C6orf141: variants seen among roughly 807,000 people sequenced by gnomAD.
C6orf141 encodes chromosome 6 open reading frame 141.
For synonymous variants in C6orf141, 164 were observed against 140.5 expected (o/e 1.17, Z -1.18); for missense variants, 361 against 335.8 (o/e 1.07, Z -0.59).
chr6:49,551,149 G>T lies in C6orf141; in HGVS notation c.357G>T (p.Ala119=), dbSNP rs778643506. The T allele has an allele frequency of 7.1e-6, 11 of 1,551,722 alleles. No individual in the cohort carries two copies. The highest frequency in any genetic ancestry group is 9.6e-6 in the Non-Finnish European group (11 of 1,146,998). Residue 119 remains alanine, a synonymous_variant, in exon 1 of 1, where the codon GCG becomes GCT. Transcript: ENST00000529246. ...EVAGAEDLPH[A]GGEDHGEEPN... is the part of the protein sequence containing the mutation. ...CCGGTGCAGAGGACCTTCCTCATGCGGGTGGAGAGGACCACGGCGAGGAGC... is the reference window on the plus strand; with the variant it reads ...CCGGTGCAGAGGACCTTCCTCATGCTGGTGGAGAGGACCACGGCGAGGAGC...
chr6:49,558,282 A>C (rs755250208), intron 4 of C6orf141, among the ~76,000 whole-genome samples: 21 of 152,004 alleles, frequency 1.4e-4, no homozygotes, highest in Non-Finnish European at 2.2e-4. Flanking sequence ...AATAGTGGAA[A>C]AAGAAAGGCT....
downstream of C6orf141, among the ~76,000 whole-genome samples, chr6:49,555,760 A>G (rs9473589): frequency 0.93 from 141,055 of 152,106 alleles, 65,812 homozygotes; most frequent in East Asian, 1. Flanking sequence ...TGTCCACCTC[A>G]GCCTCCCAAA....
chr6:49,558,017 G>A (rs1772319151), intron 4 of C6orf141, among the ~76,000 whole-genome samples: 1 of 149,682 alleles, frequency 6.7e-6, no homozygotes, highest in South Asian at 2.1e-4. Flanking sequence ...TGAGCCTCCT[G>A]AGTAGCTGAG....
At chr6:49,555,181 C>T (rs1771573262), downstream of C6orf141, 1 of 152,222 alleles carries the variant, frequency 6.6e-6, no homozygotes, top group Admixed American at 6.5e-5. Context: ...TCTCTTAAAA[C>T]TCTTTGTTTA....
intron 4 of C6orf141, among the ~76,000 whole-genome samples, chr6:49,557,675 T>C (rs896831269): frequency 6.6e-6 from 1 of 151,920 alleles, no homozygotes; most frequent in African/African-American, 2.4e-5. Flanking sequence ...CAAACAAAAC[T>C]CAGAGGTCTC....
chr6:49,555,513 C>T (rs866570695), downstream of C6orf141, among the ~76,000 whole-genome samples: 7 of 132,598 alleles, frequency 5.3e-5, no homozygotes, highest in South Asian at 2.4e-4. Context: ...CCAGGCTAGT[C>T]TTTTTTTTTT....
rs750839805 is a variant in C6orf141 at position 49,550,884 on chromosome 6, C to T, written c.92C>T (p.Pro31Leu). 3 of 1,521,232 alleles carry T rather than the reference C, an allele frequency of 2.0e-6. No individual in the cohort carries two copies. The highest frequency in any genetic ancestry group is 2.8e-5 in the African/African-American group (2 of 71,170). 94.2% of individuals were successfully genotyped at this position (1,521,232 alleles called of 1,614,324 possible). The change falls in exon 1 of 1, where the codon CCT becomes CTT. Residue 31 changes from proline to leucine, a missense_variant. Physicochemically the swap from Pro to Leu is moderately conservative, Grantham distance 98. Transcript: ENST00000529246. The part of the protein sequence containing the change: ...DSSRSLGDLG[P>L]FPREVGRGAP... ...TCCCGCAGCCTGGGGGACCTCGGGCCTTTTCCGCGGGAGGTAGGGCGCGGG... is the reference window on the plus strand; with the variant it reads ...TCCCGCAGCCTGGGGGACCTCGGGCTTTTTCCGCGGGAGGTAGGGCGCGGG...
chr6:49,554,316 G>T (rs1771316096), downstream of C6orf141, among the ~76,000 whole-genome samples: 1 of 152,176 alleles, frequency 6.6e-6, no homozygotes, highest in Admixed American at 6.5e-5. Context: ...TTTTCATTTT[G>T]TCTTTCAGCC....
chr6:49,551,033 C>T lies in C6orf141; in HGVS notation c.241C>T (p.Arg81Cys), dbSNP rs952851799. The T allele has an allele frequency of 3.2e-6, 5 of 1,551,294 alleles. No individual in the cohort carries two copies. The highest frequency in any genetic ancestry group is 2.7e-5 in the African/African-American group (2 of 73,006). ...LGPRAGEELD[R>C]ESWVREKVLF... ...ACCTCGGGCCGGGGAGGAATTGGAC[C>T]GTGAGTCCTGGGTCAGAGAGAAAGT... Residue 81 changes from arginine (R) to cysteine (C), a missense_variant, in exon 1 of 1, where the codon CGT becomes TGT. Physicochemically the swap from Arg to Cys is radical, Grantham distance 180. Coordinates refer to ENST00000529246, the MANE Select transcript of C6orf141 (RefSeq NM_001145652.2).
chr6:49,555,184 T>C (rs1433368778), downstream of C6orf141: 1 of 152,258 alleles, frequency 6.6e-6, no homozygotes, highest in Non-Finnish European at 1.5e-5. Flanking sequence ...CTTAAAACTC[T>C]TTGTTTACAA....
intron 4 of C6orf141, among the ~76,000 whole-genome samples, chr6:49,558,328 G>A (rs1772471143): frequency 6.6e-6 from 1 of 151,778 alleles, no homozygotes; most frequent in Admixed American, 6.6e-5. Context: ...TTGGCATGGG[G>A]GGAGCTGGAG....
Position 49,551,458 on chromosome 6 carries a change from C to T in C6orf141, c.666C>T (p.Ser222=). Residue 222 remains serine, a synonymous_variant, in exon 1 of 1, where the codon TCC becomes TCT. Coordinates refer to ENST00000529246, the MANE Select transcript of C6orf141 (RefSeq NM_001145652.2). ...SRALQARTGA[S]RVHAAGRRVS... is the part of the protein sequence containing the mutation. ...CTCTCCAGGCACGAACAGGGGCATC[C>T]CGCGTCCACGCCGCGGGGAGGAGGG... is the stretch of plus-strand genomic sequence containing the variant. 3.2e-6 allele frequency: 5 copies of T among 1,551,550 alleles called. No individual in the cohort carries two copies. The highest frequency in any genetic ancestry group is 4.4e-6 in the Non-Finnish European group (5 of 1,146,966).
At chr6:49,560,960 T>A (rs527962125) in intron 4 of C6orf141, 2 of 152,262 alleles carry the variant, frequency 1.3e-5, no homozygotes, top group African/African-American at 4.8e-5. Context: ...TCTTTATTTT[T>A]TCTGTGTGGA....
chr6:49,551,307 T>C lies in C6orf141; in HGVS notation c.515T>C (p.Leu172Ser). The change falls in exon 1 of 1, where the codon TTG (leucine) becomes TCG (serine). Residue 172 changes from leucine (L) to serine (S), a missense_variant. Coordinates refer to ENST00000529246, the MANE Select transcript of C6orf141 (RefSeq NM_001145652.2). ...GATTATCAGGTAACACAAGAAGTGTTGCAGACCTCCTGGGCCAAGGGTCGC... is the reference window on the plus strand; with the variant it reads ...GATTATCAGGTAACACAAGAAGTGTCGCAGACCTCCTGGGCCAAGGGTCGC... ...VEDYQVTQEVLQTSWAKGRMT... is the reference protein window; with the variant it reads ...VEDYQVTQEVSQTSWAKGRMT... 2 of 1,551,648 alleles carry C rather than the reference T, an allele frequency of 1.3e-6. No homozygotes were observed. Among genetic ancestry groups the C allele is most frequent in the South Asian group, 2.4e-5 (2 of 84,050 alleles).
In C6orf141 at chr6:49,550,776, G is replaced by C; in HGVS notation, c.-17G>C. On this transcript the variant is annotated 5_prime_UTR_variant, in exon 1 of 1. Coordinates refer to ENST00000529246, the MANE Select transcript of C6orf141 (RefSeq NM_001145652.2). Reference sequence around the variant, plus strand: ...TCAGCAGGCGCTTGCTGCTTGAACCGGTCAAAGAAGGAACGAATGAATGAC... The same window carrying C: ...TCAGCAGGCGCTTGCTGCTTGAACCCGTCAAAGAAGGAACGAATGAATGAC... The C allele has an allele frequency of 6.9e-7, 1 of 1,448,674 alleles. No individual in the cohort carries two copies. The highest frequency in any genetic ancestry group is 9.1e-7 in the Non-Finnish European group (1 of 1,100,342). The allele number at this position is 1,448,674 out of a possible 1,614,324, so 89.7% of individuals were successfully genotyped here. A position where few individuals can be genotyped will look rare whatever the true frequency, so the allele number is the denominator to read the frequency against.
At chr6:49,554,447 C>A (rs1313527451), downstream of C6orf141, among the ~76,000 whole-genome samples, 1 of 152,252 alleles carries the variant, frequency 6.6e-6, no homozygotes, top group Non-Finnish European at 1.5e-5. Context: ...GTGGCACGAT[C>A]TCTGCTCACT....
At chr6:49,553,050 GCCT>G (rs1404030461), downstream of C6orf141, 1 of 152,238 alleles carries the variant, frequency 6.6e-6, no homozygotes, top group Non-Finnish European at 1.5e-5. Flanking sequence ...TCCTACCTCA[GCCT>G]CCTCAGTAGC....
intron 4 of C6orf141, among the ~76,000 whole-genome samples, chr6:49,561,122 G>C (rs1340462382): frequency 1.4e-5 from 2 of 140,082 alleles, no homozygotes; most frequent in Non-Finnish European, 3.1e-5. Context: ...TTTTGAGACA[G>C]AGTCTTTCTC....
chr6:49,559,197 T>C (rs1581911095), intron 4 of C6orf141, among the ~76,000 whole-genome samples: 3 of 66,258 alleles, frequency 4.5e-5, no homozygotes, highest in African/African-American at 1.8e-4. Flanking sequence ...TATATATATA[T>C]ATATATATAT....
Sources: allele counts gnomAD v4.1 joint callset (sites outside exome capture counted in the v4.1 genomes callset), GRCh38; gene constraint gnomAD v4.1.1; transcripts MANE v1.5; gene names NCBI Gene and HGNC (gene_info 2026-07-23, HGNC 2026-07-21).